PLCB1: variants seen among roughly 807,000 people sequenced by gnomAD.
The protein encoded by PLCB1 is phospholipase C beta 1.
A neutral mutation model predicts 161.8 loss-of-function variants in PLCB1; 46 were observed. The ratio of observed to expected loss-of-function variants is 0.28; its 90% CI spans 0.22 to 0.36. The LOEUF is 0.36. PLCB1 is among the 10% of genes least tolerant of loss of function. The pLI is 1.00. For synonymous variants in PLCB1, 517 were observed against 503.7 expected (o/e 1.03, Z -0.35); for missense variants, 1,016 against 1,472.5 (o/e 0.69, Z 5.07).
chr20:8,417,172 C>T (rs1452882645), intron 3 of PLCB1, among the ~76,000 whole-genome samples: 17 of 143,726 alleles, frequency 1.2e-4, no homozygotes, highest in Non-Finnish European at 2.0e-4. Flanking sequence ...CCACAAGCTC[C>T]GCCTCCCAGG....
At chr20:8,397,127 AT>A (rs778353221) in intron 3 of PLCB1, among the ~76,000 whole-genome samples, 1 of 151,930 alleles carries the variant, frequency 6.6e-6, no homozygotes, top group Non-Finnish European at 1.5e-5. Context: ...TATAGTGGCA[AT>A]TTTGATTCCT....
intron 23 of PLCB1, among the ~76,000 whole-genome samples, chr20:8,744,599 G>A (rs1470186102): frequency 2.1e-5 from 1 of 48,204 alleles, no homozygotes; most frequent in African/African-American, 1.4e-4. Context: ...CAGAGACCAT[G>A]TCTCTTAAAA....
intron 3 of PLCB1, among the ~76,000 whole-genome samples, chr20:8,433,728 T>G (rs74183556): frequency 2.0e-5 from 3 of 148,004 alleles, no homozygotes; most frequent in African/African-American, 7.6e-5. Flanking sequence ...CTCCTCATCC[T>G]CCTCCTCCTC....
At chr20:8,503,338 C>T (rs1222821201) in intron 3 of PLCB1, among the ~76,000 whole-genome samples, 1 of 152,112 alleles carries the variant, frequency 6.6e-6, no homozygotes, top group Admixed American at 6.5e-5. Flanking sequence ...AGATACTGCC[C>T]ATGGTTTTTC....
At chr20:8,663,882 A>G (rs1230314356) in intron 9 of PLCB1, among the ~76,000 whole-genome samples, 4 of 152,130 alleles carry the variant, frequency 2.6e-5, no homozygotes, top group Non-Finnish European at 5.9e-5. Context: ...TCGTACTTTC[A>G]AGATCAGTGT....
intron 3 of PLCB1, among the ~76,000 whole-genome samples, chr20:8,482,164 C>A (rs564952744): frequency 7.7e-6 from 1 of 129,578 alleles, no homozygotes; most frequent in Non-Finnish European, 1.5e-5. Context: ...AGTGAAGTGG[C>A]GTGATCTCGG....
At chr20:8,381,937 C>G (rs1017939939) in intron 3 of PLCB1, among the ~76,000 whole-genome samples, 1 of 151,934 alleles carries the variant, frequency 6.6e-6, no homozygotes, top group African/African-American at 2.4e-5. Flanking sequence ...GAGGGTTTTT[C>G]ATGTCTCTAT....
chr20:8,633,090 T>C (rs1988648019), intron 4 of PLCB1, among the ~76,000 whole-genome samples: 1 of 132,732 alleles, frequency 7.5e-6, no homozygotes, highest in African/African-American at 2.8e-5. Context: ...GAATCCAAAT[T>C]TGCATGTATG....
At chr20:8,743,185 T>G (rs1385348303) in intron 23 of PLCB1, among the ~76,000 whole-genome samples, 1 of 152,226 alleles carries the variant, frequency 6.6e-6, no homozygotes, top group Non-Finnish European at 1.5e-5. Flanking sequence ...GCTGTTGAAC[T>G]GTTATATATG....
At chr20:8,335,958 G>T (rs1008686759) in intron 2 of PLCB1, among the ~76,000 whole-genome samples, 1 of 152,170 alleles carries the variant, frequency 6.6e-6, no homozygotes, top group Non-Finnish European at 1.5e-5. Flanking sequence ...TGCTTCTAGA[G>T]GCACGTTGAT....
intron 31 of PLCB1, among the ~76,000 whole-genome samples, chr20:8,832,505 A>T (rs1258687505): frequency 6.6e-6 from 1 of 152,230 alleles, no homozygotes; most frequent in African/African-American, 2.4e-5. Flanking sequence ...ATCTCTTCGC[A>T]TGTCCTTGTT....
Position 8,765,257 on chromosome 20 carries a change from C to A in PLCB1, c.2829C>A (p.Asp943Glu), listed in dbSNP as rs745349550. ...AGAGACACCACAAGAAAACCACTGA[C>A]CTTATCAAAGAACACACTACCAAGT... The part of the protein sequence containing the change: ...LVKRHHKKTT[D>E]LIKEHTTKYN... The change falls in exon 26 of 32, where the codon GAC (aspartate) becomes GAA (glutamate). Residue 943 changes from aspartate to glutamate, a missense_variant. Coordinates refer to ENST00000338037, the MANE Select transcript of PLCB1 (RefSeq NM_015192.4). 3.1e-6 allele frequency: 5 copies of A among 1,613,868 alleles called. No individual in the cohort carries two copies. In the Admixed American group the frequency reaches 6.7e-5, roughly 22 times the overall value.
intron 3 of PLCB1, among the ~76,000 whole-genome samples, chr20:8,587,208 G>A (rs1987018766): frequency 6.6e-6 from 1 of 151,792 alleles, no homozygotes; most frequent in African/African-American, 2.4e-5. Context: ...TCTCAAAAAG[G>A]GAGATGGTGT....
chr20:8,684,844 A>C (rs1990319263), intron 9 of PLCB1, 88 bp from the exon 10 acceptor site: 1 of 980,244 alleles, frequency 1.0e-6, no homozygotes, highest in Admixed American at 2.3e-5. Flanking sequence ...GGACACTACA[A>C]GATATTTCTG....
chr20:8,851,160 T>C (rs1434271146), intron 31 of PLCB1, among the ~76,000 whole-genome samples: 1 of 152,234 alleles, frequency 6.6e-6, no homozygotes, highest in Admixed American at 6.5e-5. Flanking sequence ...AGCAATTAGC[T>C]GGATCTGAGG....
intron 2 of PLCB1, among the ~76,000 whole-genome samples, chr20:8,367,618 C>T (rs1034190216): frequency 1.3e-5 from 2 of 152,148 alleles, no homozygotes; most frequent in East Asian, 1.9e-4. Flanking sequence ...CTGCAATATA[C>T]ACTCTGTAGT....
At chr20:8,608,007 A>G (rs1987805767) in intron 3 of PLCB1, among the ~76,000 whole-genome samples, 1 of 152,070 alleles carries the variant, frequency 6.6e-6, no homozygotes, top group South Asian at 2.1e-4. Flanking sequence ...TATATATACA[A>G]TTTTTACTCG....
At chr20:8,157,515 C>T (rs1012137283) in intron 2 of PLCB1, among the ~76,000 whole-genome samples, 1 of 152,202 alleles carries the variant, frequency 6.6e-6, no homozygotes, top group African/African-American at 2.4e-5. Context: ...ACCATATCAA[C>T]TTCCAGGTTA....
intron 2 of PLCB1, among the ~76,000 whole-genome samples, chr20:8,161,940 C>T (rs551438443): frequency 6.6e-6 from 1 of 152,256 alleles, no homozygotes; most frequent in South Asian, 2.1e-4. Context: ...CTACTTTCTA[C>T]TCAGAAGTAA....
Sources: gnomAD v4.1 joint callset for allele counts (sites outside exome capture counted in the v4.1 genomes callset) on GRCh38, gnomAD v4.1.1 for gene constraint, MANE v1.5 for transcripts, NCBI Gene and HGNC (gene_info 2026-07-23, HGNC 2026-07-21) for gene names.